The following L3MBTL3 variants were observed in gnomAD, a reference collection of about 807,000 sequenced individuals.
L3MBTL3 encodes the protein lethal(3)malignant brain tumor-like protein 3.
Under a neutral mutation model 102.3 loss-of-function variants are expected in L3MBTL3, and 27 were observed. That is an observed-to-expected ratio of 0.26 (90% CI 0.19 to 0.36). The LOEUF is 0.36. L3MBTL3 is among the 10% of genes least tolerant of loss of function. L3MBTL3 has a pLI of 1.00. For synonymous variants in L3MBTL3, 340 were observed against 320.9 expected (o/e 1.06, Z -0.64); for missense variants, 798 against 955.3 (o/e 0.84, Z 2.17).
At chr6:130,070,783 CTTTTTTTTTTTTTTTTT>C (rs774204472) in intron 12 of L3MBTL3, 176 bp from the exon 13 acceptor site, 1 of 110,310 alleles carries the variant, frequency 9.1e-6, no homozygotes, top group East Asian at 1.6e-4. Flanking sequence ...ACAGTAGGAC[CTTTTTTTTTTTTTTTTT>C]TTTTTTTTTG....
chr6:130,022,619 T>G (rs1424937491), intron 2 of L3MBTL3, among the ~76,000 whole-genome samples: 1 of 152,234 alleles, frequency 6.6e-6, no homozygotes, highest in South Asian at 2.1e-4. Context: ...AAAACTGGAA[T>G]AAAATGATTG....
intron 2 of L3MBTL3, among the ~76,000 whole-genome samples, chr6:130,039,278 A>G (rs1019395505): frequency 6.6e-6 from 1 of 151,990 alleles, no homozygotes; most frequent in Non-Finnish European, 1.5e-5. Flanking sequence ...ATAAGGAACA[A>G]CTCCTCTTTT....
At chr6:130,086,067 C>A in intron 15 of L3MBTL3, 73 bp from the exon 16 acceptor site, 1 of 1,050,620 alleles carries the variant, frequency 9.5e-7, no homozygotes, top group Non-Finnish European at 1.5e-6. Context: ...TTTTCTTCTT[C>A]TTCTTCTTTG....
chr6:130,025,140 T>C (rs796247371), intron 2 of L3MBTL3, among the ~76,000 whole-genome samples: 13 of 152,320 alleles, frequency 8.5e-5, no homozygotes, highest in African/African-American at 3.1e-4. Context: ...CTTCCACTGT[T>C]ACCACTTGCC....
rs907483778 is a variant in L3MBTL3 at position 130,136,068 on chromosome 6, T to C, written c.2199+2163T>C. Among the ~76,000 whole-genome samples, 4 of 151,946 alleles carry C rather than the reference T, an allele frequency of 2.6e-5. No homozygotes were observed. In the South Asian group the frequency reaches 8.3e-4, roughly 32 times the overall value. ...TCCTATTGGGTGTATCTTTGAAACA[T>C]GTAAAACCCTTATCACCCTACTGCC... On this transcript the variant is annotated intron_variant, in intron 22 of 22. Coordinates refer to ENST00000361794, the MANE Select transcript of L3MBTL3 (RefSeq NM_032438.4).
At chr6:130,025,303 C>T (rs1779275361) in intron 2 of L3MBTL3, among the ~76,000 whole-genome samples, 1 of 152,154 alleles carries the variant, frequency 6.6e-6, no homozygotes, top group African/African-American at 2.4e-5. Flanking sequence ...GATATATTTT[C>T]TAAAGGGCTT....
chr6:130,019,362 A>G (rs1470611917), intron 1 of L3MBTL3: 2 of 146,286 alleles, frequency 1.4e-5, no homozygotes, highest in Non-Finnish European at 3.0e-5. Flanking sequence ...GGGAGGCGCG[A>G]GCCCCGCGCG....
chr6:130,100,519 A>C (rs560191478), intron 18 of L3MBTL3, among the ~76,000 whole-genome samples: 2 of 152,278 alleles, frequency 1.3e-5, no homozygotes, highest in South Asian at 4.1e-4. Context: ...ACATAAAATC[A>C]ATAGCTGATA....
At chr6:130,127,783 TGA>T (rs1786713623) in intron 20 of L3MBTL3, among the ~76,000 whole-genome samples, 1 of 152,196 alleles carries the variant, frequency 6.6e-6, no homozygotes, top group Non-Finnish European at 1.5e-5. Flanking sequence ...GTCACCAAAG[TGA>T]GACTTCCATT....
intron 8 of L3MBTL3, among the ~76,000 whole-genome samples, chr6:130,055,792 GTT>G (rs1781464963): frequency 6.6e-6 from 1 of 150,828 alleles, no homozygotes; most frequent in Non-Finnish European, 1.5e-5. Flanking sequence ...ATTTCCCACA[GTT>G]TTAGGTTTTT....
At chr6:130,127,596 A>T (rs180965208) in intron 20 of L3MBTL3, among the ~76,000 whole-genome samples, 3 of 151,842 alleles carry the variant, frequency 2.0e-5, no homozygotes, top group Non-Finnish European at 4.4e-5. Context: ...ATCAACATTT[A>T]AAAAACATCC....
chr6:130,070,830 C>T, intron 12 of L3MBTL3, 146 bp from the exon 13 acceptor site: 1 of 298,994 alleles, frequency 3.3e-6, no homozygotes, highest in Non-Finnish European at 5.9e-6. Flanking sequence ...GGAAAGCGAC[C>T]CTGCTGTGAA....
intron 12 of L3MBTL3, among the ~76,000 whole-genome samples, 193 bp downstream of exon 12, chr6:130,068,614 G>A (rs1782429467): frequency 6.6e-6 from 1 of 152,130 alleles, no homozygotes; most frequent in African/African-American, 2.4e-5. Context: ...CCATATTATG[G>A]TTGTCTCTTT....
At chr6:130,084,887 T>G (rs1251186787) in intron 15 of L3MBTL3, among the ~76,000 whole-genome samples, 1 of 152,176 alleles carries the variant, frequency 6.6e-6, no homozygotes, top group Non-Finnish European at 1.5e-5. Context: ...TGGAGTGCAG[T>G]GCCATGATCT....
intron 20 of L3MBTL3, among the ~76,000 whole-genome samples, chr6:130,121,753 G>A (rs1252632605): frequency 6.6e-6 from 1 of 152,144 alleles, no homozygotes; most frequent in Non-Finnish European, 1.5e-5. Context: ...GTTTTAAGTT[G>A]TATTGGAGGA....
intron 18 of L3MBTL3, among the ~76,000 whole-genome samples, chr6:130,099,226 A>T (rs1442962542): frequency 6.6e-6 from 1 of 152,164 alleles, no homozygotes; most frequent in Non-Finnish European, 1.5e-5. Flanking sequence ...AGTAGAGAAC[A>T]GTATCATCCT....
chr6:130,110,205 T>C (rs1562320278), intron 19 of L3MBTL3, among the ~76,000 whole-genome samples: 1 of 152,220 alleles, frequency 6.6e-6, no homozygotes, highest in Non-Finnish European at 1.5e-5. Flanking sequence ...CCATATGAAG[T>C]TTAAAGTAGT....
chr6:130,115,983 C>T (rs1288611468), intron 19 of L3MBTL3, among the ~76,000 whole-genome samples: 1 of 152,148 alleles, frequency 6.6e-6, no homozygotes, highest in African/African-American at 2.4e-5. Flanking sequence ...TATCATCACA[C>T]CTTCATTCTA....
chr6:130,057,329 G>A, intron 8 of L3MBTL3, 77 bp from the exon 9 acceptor site: 4 of 1,067,340 alleles, frequency 3.7e-6, no homozygotes, highest in Middle Eastern at 2.8e-4. Flanking sequence ...ATCAGTCAGG[G>A]ACGTGTGAGT....
Sources: allele counts gnomAD v4.1 joint callset (sites outside exome capture counted in the v4.1 genomes callset), GRCh38; gene constraint gnomAD v4.1.1; transcripts MANE v1.5; gene names NCBI Gene and HGNC (gene_info 2026-07-23, HGNC 2026-07-21).